The following PIRT variants were observed in gnomAD, a reference collection of about 807,000 sequenced individuals.
The protein encoded by PIRT is phosphoinositide-interacting protein.
Under a neutral mutation model 7.9 loss-of-function variants are expected in PIRT, and 6 were observed. The observed-to-expected ratio is 0.76, with a 90% CI of 0.42 to 1.51. The LOEUF is 1.51. PIRT is among the 40% of genes most tolerant of loss of function. PIRT has a pLI of 0.01. For synonymous variants in PIRT, 78 were observed against 71.8 expected, an observed-to-expected ratio of 1.09 and a Z score of -0.44; for missense variants, 170 against 172.9, an observed-to-expected ratio of 0.98 and a Z score of 0.09.
intron 1 of PIRT, among the ~76,000 whole-genome samples, chr17:10,837,291 T>C (rs9902883): frequency 0.53 from 80,058 of 152,116 alleles, 22,266 homozygotes; most frequent in African/African-American, 0.73. Context: ...GATGCAGGGT[T>C]CTCACGGCAC....
intron 1 of PIRT, among the ~76,000 whole-genome samples, chr17:10,834,602 C>CT (rs1391632068): frequency 2.0e-5 from 3 of 151,874 alleles, no homozygotes; most frequent in Non-Finnish European, 4.4e-5. Flanking sequence ...TTTTCTTTTT[C>CT]TTTTTTTGAG....
chr17:10,830,490 A>C (rs1346065110), intron 1 of PIRT, among the ~76,000 whole-genome samples: 1 of 152,194 alleles, frequency 6.6e-6, no homozygotes, highest in Non-Finnish European at 1.5e-5. Flanking sequence ...GGGATAATGG[A>C]GTGTCTACCT....
At chr17:10,833,527 C>T (rs1366131646) in intron 1 of PIRT, among the ~76,000 whole-genome samples, 1 of 152,116 alleles carries the variant, frequency 6.6e-6, no homozygotes, top group Non-Finnish European at 1.5e-5. Flanking sequence ...GCCGAGGCAG[C>T]AGATCACTTG....
intron 1 of PIRT, among the ~76,000 whole-genome samples, chr17:10,832,147 G>A (rs935839530): frequency 6.6e-6 from 1 of 152,070 alleles, no homozygotes; most frequent in Non-Finnish European, 1.5e-5. Flanking sequence ...TGCCTTTGGT[G>A]GGGGTAGTGA....
intron 1 of PIRT, among the ~76,000 whole-genome samples, chr17:10,828,909 T>C (rs1905397706): frequency 6.6e-6 from 1 of 152,228 alleles, no homozygotes; most frequent in South Asian, 2.1e-4. Flanking sequence ...AATGTTACAG[T>C]TTGGATCTCT....
chr17:10,835,379 C>A (rs748777410), intron 1 of PIRT, among the ~76,000 whole-genome samples: 1 of 152,188 alleles, frequency 6.6e-6, no homozygotes, highest in Non-Finnish European at 1.5e-5. Flanking sequence ...ATTCTTGCCC[C>A]ACTTTGCAGG....
Position 10,825,628 on chromosome 17 carries a change from G to T in PIRT, c.18C>A (p.Leu6=). The change falls in exon 2 of 2, where the codon CTC becomes CTA. Residue 6 remains leucine (L), a synonymous_variant. Transcript: ENST00000580256. ...TCTCATCGACCTCTAGAACCTTGGG[G>T]AGAGTCTCCATCGTCATGGTTGCTC... MTMET[L]PKVLEVDEKS... 6.7e-7 allele frequency: 1 copy of T among 1,493,192 alleles called. No individual in the cohort carries two copies. 92.5% of individuals were successfully genotyped at this position (1,493,192 alleles called of 1,614,324 possible).
chr17:10,824,347 G>A lies in PIRT; in HGVS notation c.*885C>T. ...TATGGAACTTGATTCTCTCAATTTT[G>A]ATCTTGATGGACGTGAAAGGGAAAA... On this transcript the variant is annotated 3_prime_UTR_variant, in exon 2 of 2. Transcript: ENST00000580256. 1 of 152,104 alleles carries A rather than the reference G, an allele frequency of 6.6e-6. No individual in the cohort carries two copies. The highest frequency in any genetic ancestry group is 3.2e-3 in the Middle Eastern group (1 of 316). The allele number at this position is 152,104 out of a possible 1,614,324, so 9.4% of individuals were successfully genotyped here. A position where few individuals can be genotyped will look rare whatever the true frequency, so the allele number is the denominator to read the frequency against.
At position 10,825,402 on chromosome 17, in the gene PIRT, T is replaced by G; in HGVS notation, c.244A>C (p.Ser82Arg). The G allele has an allele frequency of 6.2e-7, 1 of 1,613,934 alleles. No individual in the cohort carries two copies. Among genetic ancestry groups the G allele is most frequent in the Non-Finnish European group, 8.5e-7 (1 of 1,179,876 alleles). Reference protein sequence around the residue: ...ITCLAYTLKLSDKSLSILKMV... With the variant: ...ITCLAYTLKLRDKSLSILKMV... Reference sequence around the variant, plus strand: ...TTGAGGATGGAGAGACTCTTGTCACTCAGCTTCAAGGTGTAGGCCAAGCAG... The same window carrying G: ...TTGAGGATGGAGAGACTCTTGTCACGCAGCTTCAAGGTGTAGGCCAAGCAG... The change falls in exon 2 of 2, where the codon AGT becomes CGT. Residue 82 changes from serine (S) to arginine (R), a missense_variant. Ser to Arg is a moderately radical substitution (Grantham distance 110). Transcript: ENST00000580256.
intron 1 of PIRT, among the ~76,000 whole-genome samples, chr17:10,826,674 T>C (rs1202329108): frequency 6.6e-6 from 1 of 152,220 alleles, no homozygotes; most frequent in African/African-American, 2.4e-5. Flanking sequence ...GATCACACGA[T>C]AAGGAACAGC....
chr17:10,828,122 A>G (rs1905377975), intron 1 of PIRT, among the ~76,000 whole-genome samples: 1 of 152,158 alleles, frequency 6.6e-6, no homozygotes, highest in Admixed American at 6.5e-5. Flanking sequence ...CTTATATAGA[A>G]ACCACTTACA....
chr17:10,823,555 G>T lies in PIRT; in HGVS notation c.*1677C>A, dbSNP rs2151532194. The T allele has an allele frequency of 6.6e-6, 1 of 152,442 alleles. No individual in the cohort carries two copies. The highest frequency in any genetic ancestry group is 1.9e-4 in the East Asian group (1 of 5,180). The allele number at this position is 152,442 out of a possible 1,614,324, so 9.4% of individuals were successfully genotyped here. On this transcript the variant is annotated 3_prime_UTR_variant, in exon 2 of 2. Transcript: ENST00000580256. ...AGGCCACAAGGCTGAGGAGTGAAGA[G>T]AATTAGCTCAAGACAAGGGTGATTC...
At chr17:10,834,617 A>C (rs1256737460) in intron 1 of PIRT, among the ~76,000 whole-genome samples, 2 of 152,016 alleles carry the variant, frequency 1.3e-5, no homozygotes, top group East Asian at 1.9e-4. Context: ...TTTGAGACAG[A>C]GTTTTGCTCT....
intron 1 of PIRT, among the ~76,000 whole-genome samples, chr17:10,829,060 G>C (rs75263557): frequency 9.2e-5 from 14 of 152,326 alleles, no homozygotes; most frequent in African/African-American, 2.6e-4. Flanking sequence ...TGTGGGCTTG[G>C]GGGTAGGGAT....
rs1905231378 is a variant in PIRT, at chr17:10,822,628, GA to G, written c.*2603del. On this transcript the variant is annotated 3_prime_UTR_variant, in exon 2 of 2. Transcript: ENST00000580256. ...GTCCTTTGACCCACTGACGTGAAAA[GA>G]GTCATTGCAGGTGATGCTTTGTTGC... The G allele has an allele frequency of 6.6e-6, 1 of 152,182 alleles. No individual in the cohort carries two copies. Among genetic ancestry groups the G allele is most frequent in the Non-Finnish European group, 1.5e-5 (1 of 68,048 alleles). 9.4% of individuals were successfully genotyped at this position (152,182 alleles called of 1,614,324 possible).
chr17:10,826,984 G>A (rs1043583954), intron 1 of PIRT, among the ~76,000 whole-genome samples: 2 of 152,006 alleles, frequency 1.3e-5, no homozygotes, highest in South Asian at 4.2e-4. Flanking sequence ...AGTTAATTTT[G>A]TATTTTTAGT....
chr17:10,834,706 C>T (rs368477915), intron 1 of PIRT, among the ~76,000 whole-genome samples: 1 of 152,234 alleles, frequency 6.6e-6, no homozygotes, highest in Non-Finnish European at 1.5e-5. Context: ...ATTCTCCTGC[C>T]TCAGCCTCCC....
At chr17:10,828,735 T>C (rs1905391921) in intron 1 of PIRT, among the ~76,000 whole-genome samples, 1 of 152,226 alleles carries the variant, frequency 6.6e-6, no homozygotes. Flanking sequence ...CTCCAACCTG[T>C]TCATTCCAAC....
chr17:10,829,997 A>G (rs997935183), intron 1 of PIRT, among the ~76,000 whole-genome samples: 2 of 139,496 alleles, frequency 1.4e-5, no homozygotes, highest in Admixed American at 1.4e-4. Flanking sequence ...CTATCTATCT[A>G]TCTATCTATC....
Sources: gnomAD v4.1 joint callset for allele counts (sites outside exome capture counted in the v4.1 genomes callset) on GRCh38, gnomAD v4.1.1 for gene constraint, MANE v1.5 for transcripts, NCBI Gene and HGNC (gene_info 2026-07-23, HGNC 2026-07-21) for gene names.